Variants in CFAP61 observed in about 807,000 individuals in gnomAD.
CFAP61 encodes cilia- and flagella-associated protein 61.
In CFAP61, 107 loss-of-function variants were observed where a neutral mutation model predicts 135.6. The observed-to-expected ratio is 0.79, with a 90% CI of 0.67 to 0.93. The LOEUF is 0.93. Among genes scored for constraint, CFAP61 ranks in the 40% least tolerant of loss-of-function variants. The pLI is 0.00. For synonymous variants in CFAP61, 575 were observed against 578.5 expected (o/e 0.99, Z 0.09); for missense variants, 1,507 against 1,556.2 (o/e 0.97, Z 0.53).
At chr20:20,122,170 T>TTGA (rs1375582024) in intron 8 of CFAP61, among the ~76,000 whole-genome samples, 22 of 151,804 alleles carry the variant, frequency 1.4e-4, no homozygotes, top group African/African-American at 4.8e-4. Context: ...GTTGTTGTTG[T>TTGA]TGAGACAGAG....
At chr20:20,254,038 A>C (rs1308796) in intron 20 of CFAP61, among the ~76,000 whole-genome samples, 31 of 2,504 alleles carry the variant, frequency 0.012, no homozygotes, top group East Asian at 0.016. Flanking sequence ...CCTCCCCTCC[A>C]CTCCCCTCCC....
chr20:20,060,683 A>T (rs760099437), intron 2 of CFAP61, among the ~76,000 whole-genome samples: 26 of 152,218 alleles, frequency 1.7e-4, no homozygotes, highest in Non-Finnish European at 2.6e-4. Flanking sequence ...ACAAAGAATC[A>T]TGGCTCGCCT....
chr20:20,352,098 G>T (rs1260553759), intron 26 of CFAP61, among the ~76,000 whole-genome samples: 1 of 152,198 alleles, frequency 6.6e-6, no homozygotes, highest in Non-Finnish European at 1.5e-5. Context: ...AGGTTTAATT[G>T]ACTCACAGTT....
intron 26 of CFAP61, among the ~76,000 whole-genome samples, chr20:20,350,675 T>A (rs2058804500): frequency 6.6e-6 from 1 of 152,170 alleles, no homozygotes; most frequent in Non-Finnish European, 1.5e-5. Flanking sequence ...TGAGGTATTC[T>A]AATGATTGCT....
At chr20:20,167,572 C>T (rs2053929839) in intron 12 of CFAP61, among the ~76,000 whole-genome samples, 1 of 152,104 alleles carries the variant, frequency 6.6e-6, no homozygotes, top group Non-Finnish European at 1.5e-5. Flanking sequence ...AAAAAAATAA[C>T]CTTGGTTGCT....
chr20:20,227,488 C>G (rs1352232052), intron 17 of CFAP61, among the ~76,000 whole-genome samples: 1 of 152,200 alleles, frequency 6.6e-6, no homozygotes, highest in Non-Finnish European at 1.5e-5. Context: ...CAAGACTACT[C>G]TATCACTTCT....
At chr20:20,094,883 A>C (rs974216714) in intron 7 of CFAP61, 2 of 152,124 alleles carry the variant, frequency 1.3e-5, no homozygotes, top group African/African-American at 4.8e-5. Flanking sequence ...TGCTGTTGCT[A>C]CCCTTTTTCC....
intron 20 of CFAP61, among the ~76,000 whole-genome samples, chr20:20,253,016 C>G (rs1393592693): frequency 2.0e-5 from 3 of 152,210 alleles, no homozygotes; most frequent in African/African-American, 7.2e-5. Flanking sequence ...ACTTTCTTGA[C>G]TAAGAATTCC....
intron 8 of CFAP61, among the ~76,000 whole-genome samples, chr20:20,115,651 A>AT (rs1170124202): frequency 6.6e-6 from 1 of 151,948 alleles, no homozygotes; most frequent in Non-Finnish European, 1.5e-5. Flanking sequence ...TCATAGATCC[A>AT]TTTTTTTAGC....
At chr20:20,338,409 A>G (rs1449917620) in intron 25 of CFAP61, among the ~76,000 whole-genome samples, 2 of 152,182 alleles carry the variant, frequency 1.3e-5, no homozygotes, top group Admixed American at 6.5e-5. Flanking sequence ...CTCTAAAAGT[A>G]GACACTTTTT....
At chr20:20,071,770 G>A (rs1403179069) in intron 3 of CFAP61, among the ~76,000 whole-genome samples, 4 of 152,096 alleles carry the variant, frequency 2.6e-5, no homozygotes, top group East Asian at 1.9e-4. Flanking sequence ...ACACCCGTAA[G>A]CATATTATTC....
intron 18 of CFAP61, among the ~76,000 whole-genome samples, chr20:20,233,173 C>A (rs1267061261): frequency 1.3e-5 from 2 of 152,250 alleles, no homozygotes; most frequent in African/African-American, 2.4e-5. Context: ...GCTCTGGCAG[C>A]AGCCAGCCTA....
intron 8 of CFAP61, among the ~76,000 whole-genome samples, chr20:20,141,547 C>G (rs1244578223): frequency 6.6e-6 from 1 of 152,192 alleles, no homozygotes; most frequent in Admixed American, 6.5e-5. Flanking sequence ...ACCTTTCATG[C>G]TAGAATGTGA....
intron 26 of CFAP61, among the ~76,000 whole-genome samples, chr20:20,354,717 G>A (rs928089366): frequency 6.6e-6 from 1 of 151,856 alleles, no homozygotes; most frequent in Non-Finnish European, 1.5e-5. Context: ...ACTGTGTGAG[G>A]GGAGGTGGTC....
rs1036117932 is a variant in CFAP61 at position 20,323,787 on chromosome 20, T to G, written c.3423-18044T>G. Reference sequence around the variant, plus strand: ...AATAAAGAATTGCAAAGAAACCAATTGTTAATTTTTTTGGTGTGTGTCCTT... The same window carrying G: ...AATAAAGAATTGCAAAGAAACCAATGGTTAATTTTTTTGGTGTGTGTCCTT... On this transcript the variant is annotated intron_variant, in intron 25 of 26. Transcript: ENST00000245957. Among the ~76,000 whole-genome samples the G allele has an allele frequency of 4.3e-4, 66 of 152,316 alleles. 1 individual carries two copies. The highest frequency in any genetic ancestry group is 3.4e-3 in the Middle Eastern group (1 of 294).
At chr20:20,357,101 G>A (rs1602185803) in intron 26 of CFAP61, among the ~76,000 whole-genome samples, 1 of 115,768 alleles carries the variant, frequency 8.6e-6, no homozygotes, top group Non-Finnish European at 2.0e-5. Flanking sequence ...ACTGAGGGGA[G>A]GTGGTCATAC....
chr20:20,127,512 A>G (rs1005002618), intron 8 of CFAP61, among the ~76,000 whole-genome samples: 1 of 151,448 alleles, frequency 6.6e-6, no homozygotes, highest in African/African-American at 2.4e-5. Flanking sequence ...CCACCCAGCA[A>G]GTCTACCCAG....
chr20:20,170,037 C>A (rs1322201515), intron 13 of CFAP61, among the ~76,000 whole-genome samples: 1 of 152,224 alleles, frequency 6.6e-6, no homozygotes, highest in African/African-American at 2.4e-5. Flanking sequence ...GACATGGTCC[C>A]TGCCTTTTCA....
chr20:20,058,905 T>C (rs1418285929), intron 2 of CFAP61, among the ~76,000 whole-genome samples: 1 of 152,136 alleles, frequency 6.6e-6, no homozygotes, highest in Non-Finnish European at 1.5e-5. Context: ...CAAGGAAACA[T>C]GTATCATTAG....
Sources: allele counts gnomAD v4.1 joint callset (sites outside exome capture counted in the v4.1 genomes callset), GRCh38; gene constraint gnomAD v4.1.1; transcripts MANE v1.5; gene names NCBI Gene and HGNC (gene_info 2026-07-23, HGNC 2026-07-21).